Variants in ATP10D observed in about 807,000 individuals in gnomAD.
The protein encoded by ATP10D is ATPase phospholipid transporting 10D (putative).
A neutral mutation model predicts 144.8 loss-of-function variants in ATP10D; 89 were observed. That is an observed-to-expected ratio of 0.61 (90% confidence interval 0.52 to 0.73). The LOEUF (loss-of-function observed/expected upper bound fraction) is 0.73, where lower values mean the gene tolerates loss of function less well. Ranked by LOEUF, ATP10D falls within the 30% of genes least tolerant of loss-of-function variation. ATP10D has a pLI of 0.00. For synonymous variants in ATP10D, 571 were observed against 615.1 expected (o/e 0.93, Z 1.06); for missense variants, 1,603 against 1,714.8 (o/e 0.93, Z 1.15).
chr4:47,535,772 A>G, intron 6 of ATP10D, 130 bp from the exon 7 acceptor site: 2 of 1,330,646 alleles, frequency 1.5e-6, no homozygotes, highest in Non-Finnish European at 2.0e-6. Flanking sequence ...TCACAAAAGC[A>G]GATTGAACTG....
rs1489843286 is a variant in ATP10D, at chr4:47,593,005, T to C, written c.*1624T>C. 6 of 152,152 alleles carry C rather than the reference T, an allele frequency of 3.9e-5. No individual in the cohort carries two copies. Among genetic ancestry groups the C allele is most frequent in the Admixed American group, 6.6e-5 (1 of 15,250 alleles). 9.4% of individuals were successfully genotyped at this position (152,152 alleles called of 1,614,324 possible). On this transcript the variant is annotated 3_prime_UTR_variant, in exon 23 of 23. Transcript: ENST00000273859. Reference sequence around the variant, plus strand: ...GAATATTGCTTTGCCTTTTCTTATATGGAAAATCACTGATGTCATATCATT... The same window carrying C: ...GAATATTGCTTTGCCTTTTCTTATACGGAAAATCACTGATGTCATATCATT...
rs766755049 is a variant in ATP10D, at chr4:47,558,875, T to C, written c.2435-48T>C. 3 of 1,415,478 alleles carry C rather than the reference T, an allele frequency of 2.1e-6. No homozygotes were observed. In the South Asian group the frequency reaches 3.6e-5, roughly 17 times the overall value. 87.7% of individuals were successfully genotyped at this position (1,415,478 alleles called of 1,614,324 possible). A position where few individuals can be genotyped will look rare whatever the true frequency, so the allele number is the denominator to read the frequency against. On this transcript the variant is annotated intron_variant, in intron 12 of 22. Coordinates refer to ENST00000273859, the MANE Select transcript of ATP10D (RefSeq NM_020453.4). ...ACTATTGTTTTAAAAAGTATTTCTG[T>C]AATTTGGCAGACTGGTAGGAACTCA...
chr4:47,582,139 C>A, intron 21 of ATP10D, 75 bp downstream of exon 21: 1 of 1,198,952 alleles, frequency 8.3e-7, no homozygotes, highest in Non-Finnish European at 1.2e-6. Flanking sequence ...TAGCAGTGAC[C>A]CTGAAGATAA....
intron 10 of ATP10D, chr4:47,547,292 C>A (rs1718492409): frequency 6.0e-6 from 1 of 168,058 alleles, no homozygotes; most frequent in Non-Finnish European, 1.3e-5. Context: ...GCTCTGTAAT[C>A]TCCCAAATCC....
At chr4:47,588,214 T>C (rs1720876529) in intron 22 of ATP10D, among the ~76,000 whole-genome samples, 2 of 152,196 alleles carry the variant, frequency 1.3e-5, no homozygotes, top group African/African-American at 4.8e-5. Context: ...TGGAAATGAC[T>C]AAGAAGAATA....
At position 47,554,891 on chromosome 4, in the gene ATP10D, G is replaced by A. The variant is rs140450965; in HGVS notation, c.1801G>A (p.Ala601Thr). Residue 601 changes from alanine to threonine, a missense_variant, in exon 11 of 23, where the codon GCT (alanine) becomes ACT (threonine). Physicochemically the swap from Ala to Thr is moderately conservative, Grantham distance 58. Transcript: ENST00000273859. ...AATTTGCAACACAGTAGTGGTTTCT[G>A]CTCCTAACCAACCCCGACAAAAGGT... ...LAICNTVVVS[A>T]PNQPRQKIRH... The A allele has an allele frequency of 2.0e-3, 3,182 of 1,613,886 alleles. 6 individuals are homozygous for A. Among genetic ancestry groups the A allele is most frequent in the Non-Finnish European group, 2.4e-3 (2,813 of 1,179,918 alleles).
chr4:47,495,737 C>CTT (rs34643518), intron 1 of ATP10D, among the ~76,000 whole-genome samples: 6 of 141,538 alleles, frequency 4.2e-5, no homozygotes, highest in Non-Finnish European at 4.6e-5. Context: ...TTTTAAGCAA[C>CTT]TTTTTTTTTT....
rs200697091 is a variant in ATP10D at position 47,572,170 on chromosome 4, T to A, written c.3180T>A (p.Asp1060Glu). The A allele has an allele frequency of 6.2e-7, 1 of 1,614,112 alleles. No homozygotes were observed. The highest frequency in any genetic ancestry group is 1.3e-5 in the African/African-American group (1 of 75,040). ...MTLAIGDGAN[D>E]VSMIQVADIG... ...CTCATGAAGGTGATGGTGCCAATGA[T>A]GTTAGCATGATACAAGTGGCAGACA... The change falls in exon 17 of 23, where the codon GAT becomes GAA. Residue 1060 changes from aspartate to glutamate, a missense_variant. Coordinates refer to ENST00000273859, the MANE Select transcript of ATP10D (RefSeq NM_020453.4).
intron 5 of ATP10D, among the ~76,000 whole-genome samples, chr4:47,528,505 GTGTGTGTGTATATA>G (rs1378024580): frequency 8.4e-4 from 22 of 26,116 alleles, no homozygotes; most frequent in African/African-American, 3.1e-3. Flanking sequence ...GTGTGTGTGT[GTGTGTGTGTATATA>G]TATATATATA....
chr4:47,568,748 G>A, intron 15 of ATP10D, 89 bp from the exon 16 acceptor site: 5 of 1,116,952 alleles, frequency 4.5e-6, no homozygotes, highest in Non-Finnish European at 6.5e-6. Flanking sequence ...TCTTGATTCA[G>A]CAATTGCTAA....
chr4:47,572,745 A>G, intron 17 of ATP10D, 127 bp from the exon 18 acceptor site: 1 of 1,235,724 alleles, frequency 8.1e-7, no homozygotes, highest in Non-Finnish European at 1.1e-6. Context: ...ATTTTCATTC[A>G]TGTATGGAAC....
intron 9 of ATP10D, among the ~76,000 whole-genome samples, chr4:47,540,772 C>G (rs778450936): frequency 1.1e-4 from 17 of 152,210 alleles, no homozygotes; most frequent in Admixed American, 3.9e-4. Context: ...TTCTCTGTCC[C>G]AGGATCCTAG....
intron 16 of ATP10D, among the ~76,000 whole-genome samples, chr4:47,570,094 T>C (rs538020002): frequency 6.6e-6 from 1 of 152,192 alleles, no homozygotes; most frequent in Non-Finnish European, 1.5e-5. Flanking sequence ...ATGTTGGCTG[T>C]TCTGTCAGAG....
chr4:47,528,849 C>G (rs938726613), intron 5 of ATP10D, among the ~76,000 whole-genome samples: 1 of 152,098 alleles, frequency 6.6e-6, no homozygotes, highest in African/African-American at 2.4e-5. Flanking sequence ...AATAGTCATT[C>G]TGACTGGTGT....
chr4:47,528,218 A>G (rs1258436371), intron 5 of ATP10D, among the ~76,000 whole-genome samples: 1 of 151,996 alleles, frequency 6.6e-6, no homozygotes, highest in Admixed American at 6.6e-5. Flanking sequence ...TGTTTCTAAT[A>G]GGTAATTTTT....
rs1721129316 is a variant in ATP10D at position 47,593,436 on chromosome 4, C to A, written c.*2055C>A. 1 of 152,000 alleles carries A rather than the reference C, an allele frequency of 6.6e-6. No individual in the cohort carries two copies. The highest frequency in any genetic ancestry group is 1.5e-5 in the Non-Finnish European group (1 of 67,960). The allele number at this position is 152,000 out of a possible 1,614,324, so 9.4% of individuals were successfully genotyped here. On this transcript the variant is annotated 3_prime_UTR_variant, in exon 23 of 23. Transcript: ENST00000273859. ...CATTACTGAATGCTAAACTGTATTT[C>A]TTTTTAAAATTTGGAAAATTTTTAA...
intron 3 of ATP10D, among the ~76,000 whole-genome samples, chr4:47,520,653 C>T (rs999154766): frequency 2.0e-5 from 3 of 152,072 alleles, no homozygotes; most frequent in Admixed American, 2.0e-4. Flanking sequence ...ACTGCAACCT[C>T]CACCTCCCGG....
chr4:47,512,657 G>A lies in ATP10D; in HGVS notation c.117G>A (p.Lys39=), dbSNP rs570125374. The change falls in exon 2 of 23, where the codon AAG becomes AAA. Residue 39 remains lysine, a synonymous_variant. Transcript: ENST00000273859. Reference sequence around the variant, plus strand: ...CCTCGTTGCTCGCCTGTGGGCGCAAGTCCTCTCAGACCCCTAAACTGTCAG... The same window carrying A: ...CCTCGTTGCTCGCCTGTGGGCGCAAATCCTCTCAGACCCCTAAACTGTCAG... ...NYSSLLACGR[K]SSQTPKLSGR... is the part of the protein sequence containing the mutation. 6 of 1,614,112 alleles carry A rather than the reference G, an allele frequency of 3.7e-6. No individual in the cohort carries two copies. The African/African-American group carries it at 8.0e-5, about 22-fold the overall frequency.
At chr4:47,542,414 A>G (rs1426040818) in intron 9 of ATP10D, among the ~76,000 whole-genome samples, 1 of 150,854 alleles carries the variant, frequency 6.6e-6, no homozygotes, top group Non-Finnish European at 1.5e-5. Flanking sequence ...TAATTTTTAT[A>G]AAATTCTCAC....
Sources: gnomAD v4.1 joint callset for allele counts (sites outside exome capture counted in the v4.1 genomes callset) on GRCh38, gnomAD v4.1.1 for gene constraint, MANE v1.5 for transcripts, NCBI Gene and HGNC (gene_info 2026-07-23, HGNC 2026-07-21) for gene names.